PKP1: variants seen among roughly 807,000 people sequenced by gnomAD.
PKP1 encodes plakophilin 1, also known as plakophilin-1.
In PKP1, 27 loss-of-function variants were observed where a neutral mutation model predicts 76.4. The observed-to-expected ratio is 0.35, with a 90% CI of 0.26 to 0.49. The LOEUF (loss-of-function observed/expected upper bound fraction) is 0.49, where lower values mean the gene tolerates loss of function less well. PKP1 is among the 20% of genes least tolerant of loss of function. PKP1 has a pLI of 0.99. For synonymous variants in PKP1, 404 were observed against 384.2 expected (o/e 1.05, Z -0.60); for missense variants, 964 against 955.2 (o/e 1.01, Z -0.12).
intron 3 of PKP1, among the ~76,000 whole-genome samples, chr1:201,314,143 C>T (rs1656654756): frequency 6.6e-6 from 1 of 152,092 alleles, no homozygotes; most frequent in South Asian, 2.1e-4. Context: ...ACAAATAGGA[C>T]AAATAGACAT....
intron 1 of PKP1, among the ~76,000 whole-genome samples, chr1:201,290,517 G>A (rs832175): frequency 0.14 from 21,376 of 152,168 alleles, 1,920 homozygotes; most frequent in Non-Finnish European, 0.2. Flanking sequence ...TCCTCCTCAA[G>A]GAGGTGGCCT....
intron 1 of PKP1, among the ~76,000 whole-genome samples, chr1:201,286,258 CT>C (rs1227006816): frequency 6.6e-6 from 1 of 152,118 alleles, no homozygotes; most frequent in East Asian, 1.9e-4. Flanking sequence ...GATTCAGGTT[CT>C]TGTTTAGTCT....
intron 2 of PKP1, among the ~76,000 whole-genome samples, chr1:201,302,221 T>C (rs956152251): frequency 6.6e-5 from 10 of 152,220 alleles, no homozygotes; most frequent in Non-Finnish European, 1.2e-4. Flanking sequence ...CCAAGCTTTG[T>C]TATTCTCATT....
intron 8 of PKP1, 39 bp downstream of exon 8, chr1:201,322,172 A>T: frequency 6.2e-7 from 1 of 1,601,186 alleles, no homozygotes; most frequent in South Asian, 1.1e-5. Flanking sequence ...TGCCCCATCA[A>T]GCACCCCCCC....
In PKP1 at chr1:201,332,687, C is replaced by T. The variant is rs1026496332; in HGVS notation, c.*2646C>T. ...AGCCACCTCTGCAGTGGGGACCACACTAGCAGCCCTGACTCCACACTCCTC... is the reference window on the plus strand; with the variant it reads ...AGCCACCTCTGCAGTGGGGACCACATTAGCAGCCCTGACTCCACACTCCTC... On this transcript the variant is annotated 3_prime_UTR_variant, in exon 14 of 14. Transcript: ENST00000367324. 13 of 152,274 alleles carry T rather than the reference C, an allele frequency of 8.5e-5. No individual in the cohort carries two copies. Among genetic ancestry groups the T allele is most frequent in the Non-Finnish European group, 1.5e-5 (1 of 68,072 alleles). The allele number at this position is 152,274 out of a possible 1,614,324, so 9.4% of individuals were successfully genotyped here.
rs372970404 is a variant in PKP1 at position 201,316,711 on chromosome 1, T to C, written c.846+14T>C. On this transcript the variant is annotated intron_variant, in intron 4 of 13. Transcript: ENST00000367324. The stretch of plus-strand genomic sequence containing the variant: ...GCCAAGCAACAGGTAGCTGGTTGCA[T>C]ACCTTCCTCCTTGGTGGGCCTGCGG... 3.1e-6 allele frequency: 5 copies of C among 1,613,258 alleles called. No individual in the cohort carries two copies. The African/African-American group carries it at 6.7e-5, about 22-fold the overall frequency.
chr1:201,303,621 T>A (rs894427444), intron 2 of PKP1, among the ~76,000 whole-genome samples: 6 of 152,230 alleles, frequency 3.9e-5, no homozygotes, highest in African/African-American at 1.4e-4. Context: ...TTTGTTTGTT[T>A]GTTTTATTTT....
chr1:201,324,343 GCCTTTGGGGCT>G, intron 9 of PKP1, 74 bp from the exon 10 acceptor site: 1 of 1,410,338 alleles, frequency 7.1e-7, no homozygotes, highest in Non-Finnish European at 1.0e-6. Context: ...TGGGATGTCT[GCCTTTGGGGCT>G]CCTTGCCCCT....
intron 2 of PKP1, among the ~76,000 whole-genome samples, chr1:201,297,889 G>A (rs1278640695): frequency 6.6e-6 from 1 of 151,950 alleles, no homozygotes; most frequent in Non-Finnish European, 1.5e-5. Flanking sequence ...GGTTCACTTG[G>A]GTATAAGCAT....
At chr1:201,316,141 T>TGGACGGACGGACGGACGGACGGACGGAC (rs200672478) in intron 3 of PKP1, 1 of 68,724 alleles carries the variant, frequency 1.5e-5, no homozygotes, top group African/African-American at 3.8e-5. Context: ...GACGGACGGA[T>TGGACGGACGGACGGACGGACGGACGGAC]GGACGGACGG....
At position 201,330,265 on chromosome 1, in the gene PKP1, T is replaced by G. The variant is rs947375; in HGVS notation, c.*224T>G. On this transcript the variant is annotated 3_prime_UTR_variant, in exon 14 of 14. Transcript: ENST00000367324. ...ATGGGGGTTAGGGAGGTTGGGGCGG[T>G]GGGGGCTTTCTTGAGTTAAAGGGGC... 0.94 allele frequency: 141,941 copies of G among 150,572 alleles called. 67,350 individuals are homozygous for G. The highest frequency in any genetic ancestry group is 1 in the Non-Finnish European group (67,625 of 67,860). 9.3% of individuals were successfully genotyped at this position (150,572 alleles called of 1,614,324 possible). A position where few individuals can be genotyped will look rare whatever the true frequency, so the allele number is the denominator to read the frequency against.
chr1:201,322,004 G>C lies in PKP1; in HGVS notation c.1374G>C (p.Leu458=). Residue 458 remains leucine (L), a synonymous_variant, in exon 8 of 14, where the codon CTG becomes CTC. Transcript: ENST00000367324. The part of the protein sequence containing the change: ...DKSVENCMCV[L]HNLSYRLDAE... ...CTGTGGAAAACTGCATGTGTGTTCTGCACAACCTCTCCTACCGCCTGGACG... is the reference window on the plus strand; with the variant it reads ...CTGTGGAAAACTGCATGTGTGTTCTCCACAACCTCTCCTACCGCCTGGACG... The C allele has an allele frequency of 6.2e-7, 1 of 1,614,062 alleles. No homozygotes were observed.
intron 1 of PKP1, among the ~76,000 whole-genome samples, chr1:201,289,512 G>T (rs1655839545): frequency 6.6e-6 from 1 of 152,152 alleles, no homozygotes; most frequent in Non-Finnish European, 1.5e-5. Context: ...GGAAAAAGCG[G>T]ATTTCCCTAT....
At chr1:201,285,383 C>T (rs1343118587) in intron 1 of PKP1, among the ~76,000 whole-genome samples, 1 of 152,044 alleles carries the variant, frequency 6.6e-6, no homozygotes, top group Non-Finnish European at 1.5e-5. Context: ...CTTCCTGGGC[C>T]CCAGACCTAA....
intron 6 of PKP1, among the ~76,000 whole-genome samples, chr1:201,319,580 G>A (rs74617904): frequency 3.3e-5 from 5 of 152,312 alleles, no homozygotes; most frequent in East Asian, 1.9e-4. Context: ...GAAAAGTGAG[G>A]ATAATTAAGA....
In PKP1 at chr1:201,332,127, G is replaced by C. The variant is rs1657344188; in HGVS notation, c.*2086G>C. On this transcript the variant is annotated 3_prime_UTR_variant, in exon 14 of 14. Coordinates refer to ENST00000367324, the MANE Select transcript of PKP1 (RefSeq NM_001005337.3). Reference sequence around the variant, plus strand: ...TGGCTTTAGGGCTCCCCCGGCTGGGGGCTGTGCAGTCCGGTCAGGGCGGGA... The same window carrying C: ...TGGCTTTAGGGCTCCCCCGGCTGGGCGCTGTGCAGTCCGGTCAGGGCGGGA... 4 of 152,406 alleles carry C rather than the reference G, an allele frequency of 2.6e-5. No homozygotes were observed. The South Asian group carries it at 8.3e-4, about 32-fold the overall frequency. 9.4% of individuals were successfully genotyped at this position (152,406 alleles called of 1,614,324 possible).
chr1:201,325,561 T>G (rs1657092729), intron 11 of PKP1, among the ~76,000 whole-genome samples, 193 bp from the exon 12 acceptor site: 1 of 151,968 alleles, frequency 6.6e-6, no homozygotes, highest in Non-Finnish European at 1.5e-5. Flanking sequence ...GGCAGGGGCA[T>G]GGGGTTGTGC....
intron 8 of PKP1, 35 bp downstream of exon 8, chr1:201,322,168 A>C (rs755719841): frequency 6.2e-7 from 1 of 1,601,880 alleles, no homozygotes; most frequent in East Asian, 2.2e-5. Flanking sequence ...GGCCTGCCCC[A>C]TCAAGCACCC....
intron 4 of PKP1, 105 bp from the exon 5 acceptor site, chr1:201,317,467 C>A: frequency 1.1e-6 from 1 of 914,100 alleles, no homozygotes; most frequent in Non-Finnish European, 1.7e-6. Flanking sequence ...TATTTCTGAA[C>A]TGATAGATTT....
Sources: allele counts gnomAD v4.1 joint callset (sites outside exome capture counted in the v4.1 genomes callset), GRCh38; gene constraint gnomAD v4.1.1; transcripts MANE v1.5; gene names NCBI Gene and HGNC (gene_info 2026-07-23, HGNC 2026-07-21).